WDR19: variants seen among roughly 807,000 people sequenced by gnomAD.
WDR19 encodes WD repeat domain 19.
Under a neutral mutation model 180.0 loss-of-function variants are expected in WDR19, and 121 were observed. The ratio of observed to expected loss-of-function variants is 0.67; its 90% CI spans 0.58 to 0.78. WDR19 has a LOEUF of 0.78. WDR19 is among the 30% of genes least tolerant of loss of function. WDR19 has a pLI of 0.00. For synonymous variants in WDR19, 497 were observed against 540.7 expected (o/e 0.92, Z 1.12); for missense variants, 1,450 against 1,640.7 (o/e 0.88, Z 2.01).
intron 26 of WDR19, among the ~76,000 whole-genome samples, 154 bp downstream of exon 26, chr4:39,254,184 G>A (rs1296793311): frequency 1.3e-5 from 2 of 152,128 alleles, no homozygotes; most frequent in South Asian, 2.1e-4. Context: ...TCTATGTTAT[G>A]TGTTGGATTT....
chr4:39,228,320 G>A lies in WDR19; in HGVS notation c.1740G>A (p.Lys580=), dbSNP rs1730488801. ...TATTTATTGCTTATGATGATGATAA[G>A]GTGTACACTTATGTCTTTCACAAGG... ...KGVFIAYDDD[K]VYTYVFHKDT... The change falls in exon 16 of 37, where the codon AAG becomes AAA. Residue 580 remains lysine (K), a synonymous_variant. Coordinates refer to ENST00000399820, the MANE Select transcript of WDR19 (RefSeq NM_025132.4). 7.4e-6 allele frequency: 12 copies of A among 1,612,558 alleles called. No homozygotes were observed. The highest frequency in any genetic ancestry group is 1.0e-5 in the Non-Finnish European group (12 of 1,178,862).
chr4:39,188,839 C>G (rs1725850412), intron 3 of WDR19, among the ~76,000 whole-genome samples: 1 of 152,072 alleles, frequency 6.6e-6, no homozygotes, highest in Non-Finnish European at 1.5e-5. Context: ...CAGCCTTTAC[C>G]TCCCGGGCTC....
intron 27 of WDR19, 72 bp downstream of exon 27, chr4:39,256,032 A>G: frequency 1.8e-6 from 2 of 1,139,460 alleles, no homozygotes; most frequent in Non-Finnish European, 2.6e-6. Flanking sequence ...AAATGCCAGG[A>G]ATAATTGTAG....
At chr4:39,266,235 G>A in intron 29 of WDR19, 95 bp downstream of exon 29, 1 of 1,190,710 alleles carries the variant, frequency 8.4e-7, no homozygotes, top group Non-Finnish European at 1.1e-6. Flanking sequence ...ACATAGACAT[G>A]AAAAATTTTC....
Position 39,285,538 on chromosome 4 carries a change from C to G in WDR19, c.*65C>G, listed in dbSNP as rs921160151. ...TTTCCACAGGAGGCTGTTTCCTCCC[C>G]TGGTGGATTTAAGAGACGGTCCTTT... On this transcript the variant is annotated 3_prime_UTR_variant, in exon 37 of 37. Transcript: ENST00000399820. The G allele has an allele frequency of 6.6e-6, 1 of 152,186 alleles. No individual in the cohort carries two copies. The highest frequency in any genetic ancestry group is 6.5e-5 in the Admixed American group (1 of 15,278). The allele number at this position is 152,186 out of a possible 1,614,324, so 9.4% of individuals were successfully genotyped here.
intron 30 of WDR19, among the ~76,000 whole-genome samples, chr4:39,269,386 G>A (rs947861148): frequency 1.2e-4 from 18 of 152,170 alleles, no homozygotes; most frequent in African/African-American, 4.1e-4. Context: ...TTCACAGTAG[G>A]CATGGGAAGG....
intron 21 of WDR19, among the ~76,000 whole-genome samples, chr4:39,243,243 A>G (rs1354117725): frequency 6.6e-6 from 1 of 152,196 alleles, no homozygotes; most frequent in African/African-American, 2.4e-5. Flanking sequence ...ACATGGCTAA[A>G]TTGCTGTTCA....
chr4:39,207,755 A>T (rs1369413120), intron 9 of WDR19, among the ~76,000 whole-genome samples: 1 of 152,218 alleles, frequency 6.6e-6, no homozygotes, highest in Non-Finnish European at 1.5e-5. Context: ...AGTTCTTCAG[A>T]TAGAAGAGAA....
chr4:39,200,652 G>A (rs570428481), intron 6 of WDR19, among the ~76,000 whole-genome samples: 45 of 152,274 alleles, frequency 3.0e-4, no homozygotes, highest in African/African-American at 1.0e-3. Flanking sequence ...AGCCATTCAA[G>A]ACTGAAGCTG....
intron 15 of WDR19, among the ~76,000 whole-genome samples, chr4:39,225,543 T>G (rs1304897994): frequency 6.6e-6 from 1 of 152,232 alleles, no homozygotes; most frequent in Non-Finnish European, 1.5e-5. Context: ...AAAATAGATT[T>G]AGAAAAAAGG....
intron 14 of WDR19, among the ~76,000 whole-genome samples, chr4:39,221,898 T>TA (rs1729745647): frequency 6.6e-6 from 1 of 152,258 alleles, no homozygotes; most frequent in African/African-American, 2.4e-5. Context: ...GTATATATCA[T>TA]AATTTGCTTA....
rs779175537 is a variant in WDR19 at position 39,216,105 on chromosome 4, A to G, written c.1144A>G (p.Ile382Val). ...ATTTTCTTTATTATAGGAGCTACCA[A>G]TCACAGTTTCTGTTGATGTGGAACC... is the stretch of plus-strand genomic sequence containing the variant. ...VANPVEGELP[I>V]TVSVDVEPNF... Residue 382 changes from isoleucine to valine, a missense_variant, in exon 12 of 37, where the codon ATC (isoleucine) becomes GTC (valine). By Grantham distance (29) the Ile-to-Val change is conservative (BLOSUM62 3). Transcript: ENST00000399820. The G allele has an allele frequency of 1.3e-6, 2 of 1,583,816 alleles. No homozygotes were observed. The highest frequency in any genetic ancestry group is 1.3e-5 in the African/African-American group (1 of 74,300).
At chr4:39,260,762 C>T (rs1024316711) in intron 28 of WDR19, among the ~76,000 whole-genome samples, 1 of 152,198 alleles carries the variant, frequency 6.6e-6, no homozygotes, top group African/African-American at 2.4e-5. Context: ...GATGAGGGCT[C>T]TCTTCCTGAC....
chr4:39,205,142 CT>C lies in WDR19; in HGVS notation c.604-8del. 1 of 1,555,464 alleles carries C rather than the reference CT, an allele frequency of 6.4e-7. No individual in the cohort carries two copies. Among genetic ancestry groups the C allele is most frequent in the Non-Finnish European group, 8.7e-7 (1 of 1,145,166 alleles). ...GTAACTCATTTCACAATCTCCTAAT[CT>C]TTTCTGGCAGATAAGTGTGGTGCTT... On this transcript the variant is annotated splice_polypyrimidine_tract_variant and intron_variant, in intron 7 of 36. Transcript: ENST00000399820.
chr4:39,222,987 C>CT (rs970194823), intron 14 of WDR19, among the ~76,000 whole-genome samples: 3 of 151,898 alleles, frequency 2.0e-5, no homozygotes, highest in South Asian at 2.1e-4. Context: ...TTGAGATTGG[C>CT]TTTTTTTTCA....
chr4:39,277,917 G>A (rs796322130), intron 34 of WDR19, among the ~76,000 whole-genome samples: 16 of 152,226 alleles, frequency 1.1e-4, no homozygotes, highest in African/African-American at 3.9e-4. Context: ...AGCCAAGCAT[G>A]GTGGCGCACG....
Position 39,280,101 on chromosome 4 carries a change from GT to G in WDR19, c.*13+1445del, listed in dbSNP as rs1032649059. ...ATGATTTGGAAGTATTTTTTTGTGGGTTTTTTTCCCTTTTCTTGTTTTTTTT... is the reference window on the plus strand; with the variant it reads ...ATGATTTGGAAGTATTTTTTTGTGGGTTTTTTCCCTTTTCTTGTTTTTTTT... On this transcript the variant is annotated intron_variant, in intron 36 of 36. Transcript: ENST00000399820. Among the ~76,000 whole-genome samples, 12 of 128,624 alleles carry G rather than the reference GT, an allele frequency of 9.3e-5. No homozygotes were observed. In the South Asian group the frequency reaches 2.9e-3, roughly 31 times the overall value. The allele number at this position is 128,624 out of a possible 152,430, so 84.4% of individuals were successfully genotyped here. A position where few individuals can be genotyped will look rare whatever the true frequency, so the allele number is the denominator to read the frequency against.
In WDR19 at chr4:39,215,901, G is replaced by A; in HGVS notation, c.1022G>A (p.Gly341Asp). The A allele has an allele frequency of 6.2e-7, 1 of 1,613,804 alleles. No homozygotes were observed. Among genetic ancestry groups the A allele is most frequent in the Non-Finnish European group, 8.5e-7 (1 of 1,179,812 alleles). Reference sequence around the variant, plus strand: ...TTGCTAGCACTCTCTACCCAAAGGGGCTCACTTCATGTTTTCCTGACCAAG... The same window carrying A: ...TTGCTAGCACTCTCTACCCAAAGGGACTCACTTCATGTTTTCCTGACCAAG... ...GQLLALSTQR[G>D]SLHVFLTKLP... Residue 341 changes from glycine (G) to aspartate (D), a missense_variant, in exon 11 of 37, where the codon GGC (glycine) becomes GAC (aspartate). Transcript: ENST00000399820.
Position 39,278,118 on chromosome 4 carries a change from A to C in WDR19, c.3841-13A>C. On this transcript the variant is annotated splice_polypyrimidine_tract_variant and intron_variant, in intron 34 of 36. Transcript: ENST00000399820. ...ATAAAGATGAATTTAACTCTTAAAC[A>C]TCCTGTTTCCAGGGTCGACACATGT... is the stretch of plus-strand genomic sequence containing the variant. The C allele has an allele frequency of 6.3e-7, 1 of 1,592,276 alleles. No individual in the cohort carries two copies. The highest frequency in any genetic ancestry group is 8.6e-7 in the Non-Finnish European group (1 of 1,168,722).
Sources: allele counts gnomAD v4.1 joint callset (sites outside exome capture counted in the v4.1 genomes callset), GRCh38; gene constraint gnomAD v4.1.1; transcripts MANE v1.5; gene names NCBI Gene and HGNC (gene_info 2026-07-23, HGNC 2026-07-21).